The following DAOA variants were observed in gnomAD, a reference collection of about 807,000 sequenced individuals.
The protein encoded by DAOA is D-amino acid oxidase activator, also known as D-amino acid oxidase regulator.
Under a neutral mutation model 16.4 loss-of-function variants are expected in DAOA, and 15 were observed. The ratio of observed to expected loss-of-function variants is 0.91; its 90% CI spans 0.61 to 1.41. DAOA has a LOEUF of 1.41. DAOA is among the 40% of genes most tolerant of loss of function. The probability of loss-of-function intolerance (pLI) is 0.00; values close to 1 mark genes in which losing one functional copy is unlikely to be tolerated. For missense variants in DAOA, 230 were observed against 176.8 expected, an observed-to-expected ratio of 1.30 and a Z score of -1.71; for synonymous variants, 75 against 59.1, an observed-to-expected ratio of 1.27 and a Z score of -1.23.
chr13:105,484,213 C>T (rs1470821312), intron 4 of DAOA, among the ~76,000 whole-genome samples: 10 of 151,862 alleles, frequency 6.6e-5, no homozygotes, highest in African/African-American at 2.4e-4. Context: ...TTTTTACTTT[C>T]TATTTTATCC....
intron 4 of DAOA, among the ~76,000 whole-genome samples, chr13:105,479,451 G>A (rs1877557506): frequency 6.6e-6 from 1 of 152,128 alleles, no homozygotes; most frequent in Admixed American, 6.6e-5. Context: ...TCATAGTTCT[G>A]GAGGGTAGAA....
Position 105,472,654 on chromosome 13 carries a change from T to C in DAOA, c.250T>C (p.Trp84Arg). Residue 84 changes from tryptophan to arginine, a missense_variant, in exon 4 of 6, where the codon TGG becomes CGG. By Grantham distance (101) the Trp-to-Arg change is moderately radical. Transcript: ENST00000375936. ...QRHLQRSLCPWVSYLPQPYAE... is the reference protein window; with the variant it reads ...QRHLQRSLCPRVSYLPQPYAE... ...GCATTTACAGAGATCATTATGTCCT[T>C]GGGTCTCTTACCTTCCTCAGCCCTA... 6.2e-7 allele frequency: 1 copy of C among 1,614,026 alleles called. No homozygotes were observed. The highest frequency in any genetic ancestry group is 1.1e-5 in the South Asian group (1 of 91,082).
intron 4 of DAOA, among the ~76,000 whole-genome samples, chr13:105,476,863 C>T (rs931307788): frequency 2.0e-5 from 3 of 152,120 alleles, no homozygotes; most frequent in African/African-American, 7.2e-5. Flanking sequence ...GTTCCTTCAC[C>T]CCCTACAGAG....
intron 4 of DAOA, among the ~76,000 whole-genome samples, chr13:105,477,931 AT>A: frequency 6.6e-6 from 1 of 152,212 alleles, no homozygotes; most frequent in East Asian, 1.9e-4. Context: ...TTAAAAATTT[AT>A]TTAACTTGTT....
chr13:105,466,410 G>T, intron 2 of DAOA, 78 bp downstream of exon 2: 1 of 1,606,158 alleles, frequency 6.2e-7, no homozygotes, highest in South Asian at 1.1e-5. Flanking sequence ...GAGCTCCCAG[G>T]GTGAATGTTC....
chr13:105,476,215 A>T (rs1877318930), intron 4 of DAOA, among the ~76,000 whole-genome samples: 1 of 152,112 alleles, frequency 6.6e-6, no homozygotes, highest in Admixed American at 6.6e-5. Context: ...TGAAACTTGA[A>T]CTTATCAAAA....
In DAOA at chr13:105,472,632, T is replaced by C. The variant is rs753267594; in HGVS notation, c.228T>C (p.His76=). ...EDGYLEMAQR[H]LQRSLCPWVS... is the part of the protein sequence containing the mutation. ...GCTATTTGGAAATGGCACAGAGGCA[T>C]TTACAGAGATCATTATGTCCTTGGG... The change falls in exon 4 of 6, where the codon CAT becomes CAC. Residue 76 remains histidine, a synonymous_variant. Coordinates refer to ENST00000375936, the MANE Select transcript of DAOA (RefSeq NM_172370.5). The C allele has an allele frequency of 8.1e-6, 13 of 1,613,882 alleles. No individual in the cohort carries two copies. The highest frequency in any genetic ancestry group is 1.3e-5 in the African/African-American group (1 of 74,910).
intron 4 of DAOA, among the ~76,000 whole-genome samples, chr13:105,480,527 CATAGATAG>C (rs59797400): frequency 0.043 from 6,237 of 146,708 alleles, 193 homozygotes; most frequent in African/African-American, 0.098. Flanking sequence ...TGGATAGATA[CATAGATAG>C]ATAGATAGAT....
At chr13:105,488,625 C>T (rs1021943136) in intron 4 of DAOA, among the ~76,000 whole-genome samples, 14 of 152,262 alleles carry the variant, frequency 9.2e-5, no homozygotes, top group African/African-American at 2.4e-4. Context: ...AGAACAAATT[C>T]GCTTTTGAAG....
At chr13:105,466,710 A>G (rs1876542041) in intron 2 of DAOA, among the ~76,000 whole-genome samples, 1 of 151,786 alleles carries the variant, frequency 6.6e-6, no homozygotes, top group Non-Finnish European at 1.5e-5. Context: ...ACTGTGTAGA[A>G]CTGGGATAAC....
intron 2 of DAOA, 33 bp downstream of exon 2, chr13:105,466,365 G>A (rs1566371001): frequency 7.4e-6 from 12 of 1,613,594 alleles, no homozygotes; most frequent in Middle Eastern, 1.7e-4. Context: ...CAGCATGGCG[G>A]CCTCAGTGCA....
rs1877038328 is a variant in DAOA at position 105,472,568 on chromosome 13, T to C, written c.164T>C (p.Val55Ala). Reference protein sequence around the residue: ...AKETEEGRETVTRKEGWKRRH... With the variant: ...AKETEEGRETATRKEGWKRRH... ...GAGACAGAAGAAGGAAGAGAGACGG[T>C]AACAAGGAAAGAAGGATGGAAGAGA... Residue 55 changes from valine (V) to alanine (A), a missense_variant, in exon 4 of 6, where the codon GTA (valine) becomes GCA (alanine). Coordinates refer to ENST00000375936, the MANE Select transcript of DAOA (RefSeq NM_172370.5). 6.2e-7 allele frequency: 1 copy of C among 1,613,826 alleles called. No homozygotes were observed. The highest frequency in any genetic ancestry group is 1.1e-5 in the South Asian group (1 of 91,068).
At chr13:105,466,996 C>T in intron 2 of DAOA, 57 bp from the exon 3 acceptor site, 18 of 1,551,838 alleles carry the variant, frequency 1.2e-5, no homozygotes, top group Non-Finnish European at 1.5e-5. Flanking sequence ...TATTCTTTCT[C>T]TCTTCTGCAG....
chr13:105,479,382 T>C (rs910639176), intron 4 of DAOA, among the ~76,000 whole-genome samples: 3 of 152,230 alleles, frequency 2.0e-5, no homozygotes, highest in Non-Finnish European at 4.4e-5. Context: ...TTTTTAGGGC[T>C]GACATAATAC....
chr13:105,480,778 T>A (rs1458482866), intron 4 of DAOA, among the ~76,000 whole-genome samples: 1 of 152,050 alleles, frequency 6.6e-6, no homozygotes, highest in Non-Finnish European at 1.5e-5. Context: ...AGTTCTGTTG[T>A]CCAAGAGCAG....
At chr13:105,476,630 G>T (rs1877357145) in intron 4 of DAOA, among the ~76,000 whole-genome samples, 2 of 151,354 alleles carry the variant, frequency 1.3e-5, no homozygotes, top group African/African-American at 2.4e-5. Flanking sequence ...ATAATAAAAA[G>T]AATCCTTCCT....
At chr13:105,486,775 AG>A (rs1195517921) in intron 4 of DAOA, among the ~76,000 whole-genome samples, 1 of 151,792 alleles carries the variant, frequency 6.6e-6, no homozygotes, top group Non-Finnish European at 1.5e-5. Context: ...TCCACAACCA[AG>A]CCTGGATAAT....
At chr13:105,488,403 T>C (rs1270139264) in intron 4 of DAOA, among the ~76,000 whole-genome samples, 1 of 152,226 alleles carries the variant, frequency 6.6e-6, no homozygotes, top group African/African-American at 2.4e-5. Context: ...GATTTTATAA[T>C]AGAGGACATG....
At chr13:105,484,218 T>G (rs1383385827) in intron 4 of DAOA, among the ~76,000 whole-genome samples, 2 of 152,122 alleles carry the variant, frequency 1.3e-5, no homozygotes, top group Non-Finnish European at 2.9e-5. Context: ...ACTTTCTATT[T>G]TATCCTATTG....
Sources: gnomAD v4.1 joint callset for allele counts (sites outside exome capture counted in the v4.1 genomes callset) on GRCh38, gnomAD v4.1.1 for gene constraint, MANE v1.5 for transcripts, NCBI Gene and HGNC (gene_info 2026-07-23, HGNC 2026-07-21) for gene names.